The following NAALADL2 variants were observed in gnomAD, a reference collection of about 807,000 sequenced individuals.
NAALADL2 encodes the protein N-acetylated alpha-linked acidic dipeptidase like 2.
NAALADL2 carries 76 observed loss-of-function variants against 87.2 expected under a neutral mutation model. The observed-to-expected ratio is 0.87, with a 90% CI of 0.72 to 1.05. The LOEUF is 1.05. Among genes scored for constraint, NAALADL2 ranks in the 50% least tolerant of loss-of-function variants. The pLI is 0.00. For synonymous variants in NAALADL2, 354 were observed against 331.0 expected (o/e 1.07, Z -0.75); for missense variants, 1,089 against 945.8 (o/e 1.15, Z -1.99).
intron 1 of NAALADL2, among the ~76,000 whole-genome samples, chr3:175,058,785 C>T (rs568474890): frequency 6.6e-6 from 1 of 152,200 alleles, no homozygotes; most frequent in African/African-American, 2.4e-5. Flanking sequence ...ATTTTCTCTA[C>T]GGCAGCTAGA....
intron 1 of NAALADL2, among the ~76,000 whole-genome samples, chr3:174,480,010 C>T (rs987621305): frequency 1.3e-5 from 2 of 151,944 alleles, no homozygotes; most frequent in Non-Finnish European, 2.9e-5. Context: ...GAAATTCACT[C>T]ACTAATTAAT....
At chr3:174,654,468 G>A (rs1465937377) in intron 2 of NAALADL2, among the ~76,000 whole-genome samples, 1 of 151,958 alleles carries the variant, frequency 6.6e-6, no homozygotes, top group Non-Finnish European at 1.5e-5. Context: ...CTTTTTCTCA[G>A]GTGCCATAAT....
At chr3:174,472,407 A>ACG (rs746716764) in intron 1 of NAALADL2, among the ~76,000 whole-genome samples, 4 of 152,170 alleles carry the variant, frequency 2.6e-5, no homozygotes, top group Non-Finnish European at 5.9e-5. Flanking sequence ...GGCCCTGGGA[A>ACG]CAGTACTTGT....
intron 9 of NAALADL2, among the ~76,000 whole-genome samples, chr3:175,510,689 A>C (rs1731034015): frequency 6.6e-6 from 1 of 152,220 alleles, no homozygotes; most frequent in African/African-American, 2.4e-5. Context: ...AACTTATTCA[A>C]GGACACACAG....
At chr3:175,305,258 GT>G (rs1757559789) in intron 4 of NAALADL2, among the ~76,000 whole-genome samples, 3 of 142,688 alleles carry the variant, frequency 2.1e-5, no homozygotes, top group Non-Finnish European at 4.7e-5. Flanking sequence ...GTATGTGTGT[GT>G]GTGTGTGTGT....
At chr3:174,501,090 T>TAATGCTGGCCACATAGAATG (rs1718852802) in intron 1 of NAALADL2, among the ~76,000 whole-genome samples, 18 of 141,386 alleles carry the variant, frequency 1.3e-4, no homozygotes, top group African/African-American at 5.5e-4. Context: ...TTTTTTTTTT[T>TAATGCTGGCCACATAGAATG]TTTTTTGAGA....
intron 3 of NAALADL2, among the ~76,000 whole-genome samples, chr3:174,778,848 T>A (rs1392735946): frequency 6.6e-6 from 1 of 152,216 alleles, no homozygotes; most frequent in East Asian, 1.9e-4. Flanking sequence ...ATGGTGTATA[T>A]GTGCCACATT....
intron 1 of NAALADL2, among the ~76,000 whole-genome samples, chr3:174,875,013 T>TGAGGTGGGAGGTGG (rs1469882430): frequency 9.6e-5 from 14 of 145,624 alleles, no homozygotes; most frequent in African/African-American, 3.3e-4. Context: ...ATTTGGGGGC[T>TGAGGTGGGAGGTGG]GAGGTGGGAG....
At position 175,289,011 on chromosome 3, in the gene NAALADL2, C is replaced by T. The variant is rs1018348466; in HGVS notation, c.939+32481C>T. On this transcript the variant is annotated intron_variant, in intron 4 of 13. Transcript: ENST00000454872. ...TGAAAAACCTGGTAAAACTTGATCTCTTTAGGGATTAATATATTTGTTACT... is the reference window on the plus strand; with the variant it reads ...TGAAAAACCTGGTAAAACTTGATCTTTTTAGGGATTAATATATTTGTTACT... Among the ~76,000 whole-genome samples, 5 of 152,014 alleles carry T rather than the reference C, an allele frequency of 3.3e-5. No homozygotes were observed. The East Asian group carries it at 9.6e-4, about 29-fold the overall frequency.
At chr3:174,814,131 CAG>C (rs1201605916) in intron 3 of NAALADL2, among the ~76,000 whole-genome samples, 1 of 151,442 alleles carries the variant, frequency 6.6e-6, no homozygotes, top group Non-Finnish European at 1.5e-5. Context: ...TTTTTTGAGA[CAG>C]AGTCTTGCTC....
intron 4 of NAALADL2, 56 bp from the exon 5 acceptor site, chr3:175,324,119 A>G (rs557659723): frequency 7.5e-6 from 11 of 1,459,522 alleles, no homozygotes; most frequent in Admixed American, 5.5e-5. Flanking sequence ...AAATGGCACT[A>G]TATGAACTTT....
At chr3:174,769,542 A>G (rs977812168) in intron 3 of NAALADL2, among the ~76,000 whole-genome samples, 38 of 151,888 alleles carry the variant, frequency 2.5e-4, no homozygotes, top group Admixed American at 3.3e-4. Flanking sequence ...ATTAAGGACA[A>G]TAGCTGGAGT....
chr3:175,010,790 C>T (rs1749676902), intron 1 of NAALADL2, among the ~76,000 whole-genome samples: 1 of 152,140 alleles, frequency 6.6e-6, no homozygotes, highest in East Asian at 1.9e-4. Context: ...CTTGTATAGT[C>T]TAGTATCATA....
intron 1 of NAALADL2, among the ~76,000 whole-genome samples, chr3:174,487,686 AG>A (rs1236164173): frequency 1.3e-5 from 2 of 149,388 alleles, no homozygotes; most frequent in Admixed American, 1.4e-4. Flanking sequence ...GAAAGCATGG[AG>A]TAAGAGTGTT....
Position 174,472,192 on chromosome 3 carries a change from T to C in NAALADL2, c.-184+31160T>C, listed in dbSNP as rs137858348. ...TAATTATTCATGTAAGACAGACATG[T>C]ACACTTTCTTTCCATCTATCTTAGG... On this transcript the variant is annotated intron_variant, in intron 1 of 3. Coordinates refer to the NAALADL2 transcript ENST00000434257. Among the ~76,000 whole-genome samples the C allele has an allele frequency of 2.6e-3, 398 of 152,346 alleles. 3 individuals are homozygous for C. Among genetic ancestry groups the C allele is most frequent in the African/African-American group, 9.0e-3 (375 of 41,584 alleles).
intron 10 of NAALADL2, among the ~76,000 whole-genome samples, chr3:175,620,404 C>T (rs189558158): frequency 6.6e-6 from 1 of 152,268 alleles, no homozygotes; most frequent in East Asian, 1.9e-4. Context: ...CAATGGCACC[C>T]GAAAACTAAA....
chr3:174,921,275 C>T (rs188990183), intron 1 of NAALADL2, among the ~76,000 whole-genome samples: 1 of 152,232 alleles, frequency 6.6e-6, no homozygotes, highest in Admixed American at 6.5e-5. Context: ...TATATCTAGA[C>T]AATATTTTGC....
intron 11 of NAALADL2, among the ~76,000 whole-genome samples, chr3:175,669,631 G>A (rs1733662605): frequency 6.6e-6 from 1 of 151,932 alleles, no homozygotes; most frequent in Non-Finnish European, 1.5e-5. Context: ...ACTATTTGCA[G>A]CACTGGGAGT....
At position 175,323,511 on chromosome 3, in the gene NAALADL2, T is replaced by C. The variant is rs374084717; in HGVS notation, c.940-664T>C. ...AATAATAATAAAAAAAAGAACCTTA[T>C]GTATGGTAGATCCTCTATTAATCCA... On this transcript the variant is annotated intron_variant, in intron 4 of 13. Coordinates refer to ENST00000454872, the MANE Select transcript of NAALADL2 (RefSeq NM_207015.3). 9.0e-4 allele frequency among the ~76,000 whole-genome samples: 136 copies of C among 151,816 alleles called. 1 individual carries two copies. The East Asian group carries it at 0.019, about 21-fold the overall frequency.
Sources: allele counts gnomAD v4.1 joint callset (sites outside exome capture counted in the v4.1 genomes callset), GRCh38; gene constraint gnomAD v4.1.1; transcripts MANE v1.5; gene names NCBI Gene and HGNC (gene_info 2026-07-23, HGNC 2026-07-21).